The following MAD2L2 variants were observed in gnomAD, a reference collection of about 807,000 sequenced individuals.
MAD2L2 encodes the protein mitotic arrest deficient 2 like 2, also known as mitotic spindle assembly checkpoint protein MAD2B.
MAD2L2 carries 17 observed loss-of-function variants against 30.5 expected under a neutral mutation model. That is an observed-to-expected ratio of 0.56 (90% CI 0.38 to 0.84). The LOEUF (loss-of-function observed/expected upper bound fraction) is 0.84, where lower values mean the gene tolerates loss of function less well. MAD2L2 is among the 40% of genes least tolerant of loss of function. MAD2L2 has a pLI of 0.00. For missense variants in MAD2L2, 213 were observed against 277.4 expected, an observed-to-expected ratio of 0.77 and a Z score of 1.65; for synonymous variants, 101 against 113.9, an observed-to-expected ratio of 0.89 and a Z score of 0.72.
At position 11,677,971 on chromosome 1, in the gene MAD2L2, C is replaced by T. The variant is rs376512897; in HGVS notation, c.160-357G>A. ...ACTTGGCAGGCTAAGGCAAAAGAAT[C>T]GCTTGAACCCGGGAGGCGGAGGTTG... On this transcript the variant is annotated intron_variant, in intron 3 of 8. Transcript: ENST00000376692. Among the ~76,000 whole-genome samples the T allele has an allele frequency of 1.7e-4, 25 of 150,630 alleles. 3 individuals are homozygous for T. The highest frequency in any genetic ancestry group is 2.7e-4 in the African/African-American group (11 of 41,026).
intron 1 of MAD2L2, 62 bp from the exon 2 acceptor site, chr1:11,680,675 C>T (rs1049049193): frequency 6.7e-6 from 10 of 1,502,600 alleles, no homozygotes; most frequent in Non-Finnish European, 8.9e-6. Flanking sequence ...AACCCGCTCG[C>T]TTCCACCGTC....
upstream of MAD2L2, chr1:11,681,498 C>G (rs1640880228): frequency 1.3e-5 from 2 of 152,448 alleles, no homozygotes; most frequent in South Asian, 4.1e-4. Flanking sequence ...CTGAGCTAGC[C>G]CGAGTCACCA....
intron 7 of MAD2L2, 67 bp downstream of exon 7, chr1:11,675,590 TG>T: frequency 6.7e-7 from 1 of 1,490,874 alleles, no homozygotes; most frequent in Non-Finnish European, 9.4e-7. Flanking sequence ...GCAGTGCCCC[TG>T]CCCGCCTGGA....
rs912576678 is a variant in MAD2L2 at position 11,680,542 on chromosome 1, C to T, written c.40+20G>A. On this transcript the variant is annotated intron_variant, in intron 2 of 8. Transcript: ENST00000376692. ...GCCCAGACGCCCCCGCCCCCGGGCC[C>T]GCAGGTCCAGCCTCCCTACCTTGGC... 6.2e-6 allele frequency: 10 copies of T among 1,608,914 alleles called. No homozygotes were observed. The highest frequency in any genetic ancestry group is 8.5e-6 in the Non-Finnish European group (10 of 1,176,700).
chr1:11,680,356 G>T lies in MAD2L2; in HGVS notation c.156C>A (p.Val52=). The T allele has an allele frequency of 6.2e-7, 1 of 1,613,114 alleles. No homozygotes were observed. Among genetic ancestry groups the T allele is most frequent in the South Asian group, 1.1e-5 (1 of 90,974 alleles). Residue 52 remains valine, a synonymous_variant, in exon 3 of 9, where the codon GTC becomes GTA. Coordinates refer to ENST00000376692, the MANE Select transcript of MAD2L2 (RefSeq NM_006341.4). ...GTGGTTCTGGGACGTGCCTCACCTG[G>T]ACCGGCACGTTGTACTTCTTGCGTT... The part of the protein sequence containing the change: ...FQKRKKYNVP[V]QMSCHPELNQ...
upstream of MAD2L2, among the ~76,000 whole-genome samples, chr1:11,685,322 C>G (rs978298058): frequency 2.6e-5 from 4 of 152,192 alleles, no homozygotes; most frequent in African/African-American, 9.6e-5. Context: ...TGGCTCATTA[C>G]CACTTGCCTG....
At chr1:11,685,087 C>G (rs1640936017), upstream of MAD2L2, among the ~76,000 whole-genome samples, 1 of 151,934 alleles carries the variant, frequency 6.6e-6, no homozygotes. Flanking sequence ...ACCACCACAC[C>G]TGGCTGATTT....
upstream of MAD2L2, among the ~76,000 whole-genome samples, chr1:11,684,970 C>T (rs1640934783): frequency 1.3e-5 from 2 of 151,462 alleles, no homozygotes; most frequent in Non-Finnish European, 2.9e-5. Context: ...CCTTGTCACC[C>T]AGGCTAGAGT....
chr1:11,675,885 A>G (rs1640757640), intron 6 of MAD2L2, 154 bp from the exon 7 acceptor site: 4 of 884,610 alleles, frequency 4.5e-6, no homozygotes, highest in South Asian at 2.7e-5. Flanking sequence ...AGGGAGATGG[A>G]AGCCAGGTAG....
chr1:11,689,431 C>A (rs927177902), intron 1 of MAD2L2, among the ~76,000 whole-genome samples: 1 of 152,044 alleles, frequency 6.6e-6, no homozygotes, highest in South Asian at 2.1e-4. Flanking sequence ...AACCCCATCT[C>A]TACTGAAAAC....
rs1287986581 is a variant in MAD2L2 at position 11,675,035 on chromosome 1, G to A, written c.594+47C>T. ...AGGCCTCAGCACCGGGCCTCACTTC[G>A]TTAAGCAGCCCCTAAATAAAGCTTC... On this transcript the variant is annotated intron_variant, in intron 8 of 8. Transcript: ENST00000376692. 15 of 1,497,580 alleles carry A rather than the reference G, an allele frequency of 1.0e-5. 1 individual carries two copies. Among genetic ancestry groups the A allele is most frequent in the Middle Eastern group, 1.8e-4 (1 of 5,660 alleles). The allele number at this position is 1,497,580 out of a possible 1,614,324, so 92.8% of individuals were successfully genotyped here.
At position 11,674,733 on chromosome 1, in the gene MAD2L2, A is replaced by G; in HGVS notation, c.*42T>C. 6.2e-7 allele frequency: 1 copy of G among 1,608,596 alleles called. No individual in the cohort carries two copies. Among genetic ancestry groups the G allele is most frequent in the Non-Finnish European group, 8.5e-7 (1 of 1,175,746 alleles). On this transcript the variant is annotated 3_prime_UTR_variant, in exon 9 of 9. Transcript: ENST00000376692. This position sits in a 1 kb window ranked among gnomAD's most constrained non-coding sequence, Gnocchi z 6.1. ...CACTGCCCTAGGCGGGGATCCCCCA[A>G]AGTCTGACAGTTTGGGCATCAGTGG...
At chr1:11,685,609 T>C (rs1266681613), upstream of MAD2L2, among the ~76,000 whole-genome samples, 3 of 152,118 alleles carry the variant, frequency 2.0e-5, no homozygotes, top group African/African-American at 4.8e-5. Flanking sequence ...TCTAATTTCA[T>C]AGGATTGAGC....
At chr1:11,675,925 T>A in intron 6 of MAD2L2, 121 bp downstream of exon 6, 1 of 932,936 alleles carries the variant, frequency 1.1e-6, no homozygotes, top group Non-Finnish European at 1.8e-6. Context: ...CCAGAGGAGG[T>A]GGACTCTCAG....
intron 3 of MAD2L2, among the ~76,000 whole-genome samples, chr1:11,678,951 G>A (rs1483163873): frequency 6.6e-6 from 1 of 152,156 alleles, no homozygotes; most frequent in African/African-American, 2.4e-5. Context: ...ATCACCAGAG[G>A]TCAGGAGATC....
At chr1:11,685,450 A>G (rs971353647), upstream of MAD2L2, among the ~76,000 whole-genome samples, 8 of 152,172 alleles carry the variant, frequency 5.3e-5, no homozygotes, top group African/African-American at 1.9e-4. Context: ...GGGCTGTGGC[A>G]TGTTCCCTAT....
upstream of MAD2L2, among the ~76,000 whole-genome samples, chr1:11,684,095 G>T (rs1234819496): frequency 6.6e-6 from 1 of 152,090 alleles, no homozygotes. Flanking sequence ...ACCCCTAAAA[G>T]GCTTCAGTCT....
chr1:11,677,436 G>C (rs1445957780), intron 4 of MAD2L2, 107 bp downstream of exon 4: 1 of 1,083,254 alleles, frequency 9.2e-7, no homozygotes, highest in South Asian at 1.3e-5. Context: ...GAGCCATGAA[G>C]ACCCCACAGA....
At chr1:11,677,408 A>G in intron 4 of MAD2L2, 135 bp downstream of exon 4, 1 of 862,186 alleles carries the variant, frequency 1.2e-6, no homozygotes, top group South Asian at 1.5e-5. Context: ...AGTGCAGGGA[A>G]CAGGCTTCTG....
Sources: gnomAD v4.1 joint callset for allele counts (sites outside exome capture counted in the v4.1 genomes callset) on GRCh38, gnomAD v4.1.1 for gene constraint, Gnocchi (gnomAD v3.1) non-coding constraint, MANE v1.5 for transcripts, NCBI Gene and HGNC (gene_info 2026-07-23, HGNC 2026-07-21) for gene names.